The following ACAP2 variants were observed in gnomAD, a reference collection of about 807,000 sequenced individuals.
ACAP2 encodes arf-GAP with coiled-coil, ANK repeat and PH domain-containing protein 2.
A neutral mutation model predicts 115.8 loss-of-function variants in ACAP2; 39 were observed. The observed-to-expected ratio is 0.34, with a 90% CI of 0.26 to 0.44. The LOEUF is 0.44. Ranked by LOEUF, ACAP2 falls within the 20% of genes least tolerant of loss-of-function variation. The probability of loss-of-function intolerance (pLI) is 1.00; values close to 1 mark genes in which losing one functional copy is unlikely to be tolerated. For missense variants in ACAP2, 662 were observed against 927.6 expected (o/e 0.71, Z 3.72); for synonymous variants, 289 against 315.8 (o/e 0.92, Z 0.90).
At chr3:195,315,413 C>T (rs368314878) in intron 10 of ACAP2, among the ~76,000 whole-genome samples, 1 of 152,198 alleles carries the variant, frequency 6.6e-6, no homozygotes, top group Admixed American at 6.5e-5. Flanking sequence ...AATTTGCTAT[C>T]CATAATTTTT....
At chr3:195,335,721 T>C (rs1186081145) in intron 7 of ACAP2, among the ~76,000 whole-genome samples, 2 of 152,038 alleles carry the variant, frequency 1.3e-5, no homozygotes, top group African/African-American at 2.4e-5. Context: ...AATATATACA[T>C]AAAATTTAGA....
intron 4 of ACAP2, among the ~76,000 whole-genome samples, chr3:195,377,436 C>T (rs907814531): frequency 1.4e-4 from 22 of 152,038 alleles, no homozygotes; most frequent in African/African-American, 5.1e-4. Flanking sequence ...TGAGCCACCA[C>T]GCCCAGCCTA....
At chr3:195,372,987 CAAAAAAAAA>C (rs869134113) in intron 4 of ACAP2, among the ~76,000 whole-genome samples, 3,672 of 17,794 alleles carry the variant, frequency 0.21, 129 homozygotes, top group East Asian at 0.36. Context: ...GACTCCATCT[CAAAAAAAAA>C]AAAAAAAAAA....
intron 1 of ACAP2, among the ~76,000 whole-genome samples, chr3:195,437,600 G>C (rs1187693408): frequency 1.3e-5 from 2 of 152,010 alleles, no homozygotes; most frequent in African/African-American, 2.4e-5. Context: ...TGGATCACAA[G>C]GTCAGGAGTT....
At chr3:195,393,052 C>A (rs1000083922) in intron 1 of ACAP2, among the ~76,000 whole-genome samples, 13 of 152,104 alleles carry the variant, frequency 8.5e-5, no homozygotes, top group Admixed American at 4.6e-4. Context: ...AAAACTATTT[C>A]CAGAACAAGC....
At chr3:195,441,239 C>G (rs1715971310) in intron 1 of ACAP2, among the ~76,000 whole-genome samples, 1 of 152,070 alleles carries the variant, frequency 6.6e-6, no homozygotes, top group South Asian at 2.1e-4. Flanking sequence ...GTCATAGTAA[C>G]AAAATTTCAC....
In ACAP2 at chr3:195,320,787, T is replaced by C; in HGVS notation, c.771A>G (p.Leu257=). The change falls in exon 10 of 23, where the codon TTA becomes TTG. Residue 257 remains leucine (L), a synonymous_variant. Transcript: ENST00000326793. ...CATTTGCAGCATCTACGTTATATTCTAACTTAGAATCATCACTGGAGAAAT... is the reference window on the plus strand; with the variant it reads ...CATTTGCAGCATCTACGTTATATTCCAACTTAGAATCATCACTGGAGAAAT... ...QKDFSSDDSK[L]EYNVDAANGI... is the part of the protein sequence containing the mutation. 12 of 1,613,230 alleles carry C rather than the reference T, an allele frequency of 7.4e-6. No individual in the cohort carries two copies. The highest frequency in any genetic ancestry group is 9.3e-6 in the Non-Finnish European group (11 of 1,179,394).
At chr3:195,359,903 T>C (rs1340999108) in intron 4 of ACAP2, among the ~76,000 whole-genome samples, 2 of 151,768 alleles carry the variant, frequency 1.3e-5, no homozygotes, top group Non-Finnish European at 2.9e-5. Flanking sequence ...AAGCAAAAAA[T>C]AAAAAGCAAG....
Position 195,294,722 on chromosome 3 carries a change from G to C in ACAP2, c.1762C>G (p.Pro588Ala). 6.3e-7 allele frequency: 1 copy of C among 1,588,976 alleles called. No individual in the cohort carries two copies. Among genetic ancestry groups the C allele is most frequent in the Non-Finnish European group, 8.6e-7 (1 of 1,162,736 alleles). Residue 588 changes from proline to alanine, a missense_variant, in exon 18 of 23, where the codon CCT (proline) becomes GCT (alanine). Pro to Ala is a conservative substitution (Grantham distance 27, BLOSUM62 -1). Transcript: ENST00000326793. ...STVSANSLYE[P>A]EGERQDSSMF... The stretch of plus-strand genomic sequence containing the variant: ...ATTGAGTTTCATCAGAACTCACCAG[G>C]CTCATATAAACTATTGGCTGACACC...
intron 1 of ACAP2, among the ~76,000 whole-genome samples, chr3:195,429,629 G>A (rs575211055): frequency 1.3e-5 from 2 of 152,292 alleles, no homozygotes; most frequent in African/African-American, 2.4e-5. Flanking sequence ...TGACAGAGGT[G>A]TAGGTGACGG....
intron 1 of ACAP2, among the ~76,000 whole-genome samples, chr3:195,394,760 A>G (rs1343308587): frequency 6.6e-6 from 1 of 152,186 alleles, no homozygotes; most frequent in African/African-American, 2.4e-5. Context: ...AGCTAGGCAC[A>G]TAGTGTGTGG....
chr3:195,329,458 C>T (rs1260649206), intron 8 of ACAP2, among the ~76,000 whole-genome samples: 1 of 152,182 alleles, frequency 6.6e-6, no homozygotes, highest in Admixed American at 6.5e-5. Context: ...TTTTCAACTT[C>T]TCCCTCTTGA....
At chr3:195,279,556 A>C (rs1186208299) in intron 22 of ACAP2, 128 bp from the exon 23 acceptor site, 1 of 495,772 alleles carries the variant, frequency 2.0e-6, no homozygotes, top group Non-Finnish European at 3.4e-6. Context: ...GCATTTTTGG[A>C]AGAAAAGGGG....
intron 10 of ACAP2, among the ~76,000 whole-genome samples, chr3:195,317,031 G>A (rs1185957124): frequency 6.6e-6 from 1 of 150,820 alleles, no homozygotes; most frequent in African/African-American, 2.4e-5. Context: ...CCGAGTAGCT[G>A]GGATTATAGG....
At chr3:195,301,550 A>G in intron 15 of ACAP2, 25 bp downstream of exon 15, 1 of 1,547,636 alleles carries the variant, frequency 6.5e-7, no homozygotes. Flanking sequence ...AATATGAAAT[A>G]TTTTAAAGCA....
intron 1 of ACAP2, among the ~76,000 whole-genome samples, chr3:195,426,418 T>A (rs1029150205): frequency 2.0e-5 from 3 of 152,108 alleles, no homozygotes; most frequent in African/African-American, 7.2e-5. Flanking sequence ...AAGGAAACAA[T>A]CAGAAAAATT....
At chr3:195,402,117 A>T (rs1004062453) in intron 1 of ACAP2, among the ~76,000 whole-genome samples, 1 of 152,186 alleles carries the variant, frequency 6.6e-6, no homozygotes, top group Admixed American at 6.5e-5. Context: ...ATTGGTCATT[A>T]TGTCTAGACT....
chr3:195,368,411 T>C (rs1178545081), intron 4 of ACAP2, among the ~76,000 whole-genome samples: 1 of 152,140 alleles, frequency 6.6e-6, no homozygotes, highest in East Asian at 1.9e-4. Flanking sequence ...CTGCCTCCCA[T>C]AGTGCTGGGA....
chr3:195,276,041 A>T lies in ACAP2; in HGVS notation c.*3287T>A, dbSNP rs991887514. 3.3e-5 allele frequency: 5 copies of T among 152,666 alleles called. No homozygotes were observed. Among genetic ancestry groups the T allele is most frequent in the African/African-American group, 1.2e-4 (5 of 41,468 alleles). The allele number at this position is 152,666 out of a possible 1,614,324, so 9.5% of individuals were successfully genotyped here. On this transcript the variant is annotated 3_prime_UTR_variant, in exon 23 of 23. Coordinates refer to ENST00000326793, the MANE Select transcript of ACAP2 (RefSeq NM_012287.6). ...TGATATTATACACAAGTGTTATCTGACAATATAAGAATGATCTGGGAATGT... is the reference window on the plus strand; with the variant it reads ...TGATATTATACACAAGTGTTATCTGTCAATATAAGAATGATCTGGGAATGT...
Sources: allele counts gnomAD v4.1 joint callset (sites outside exome capture counted in the v4.1 genomes callset), GRCh38; gene constraint gnomAD v4.1.1; transcripts MANE v1.5; gene names NCBI Gene and HGNC (gene_info 2026-07-23, HGNC 2026-07-21).